Variants in SYNDIG1 observed in about 807,000 individuals in gnomAD.
SYNDIG1 encodes the protein synapse differentiation-inducing gene protein 1.
Under a neutral mutation model 19.4 loss-of-function variants are expected in SYNDIG1, and 9 were observed. The ratio of observed to expected loss-of-function variants is 0.46; its 90% CI spans 0.28 to 0.81. The LOEUF (loss-of-function observed/expected upper bound fraction) is 0.81, where lower values mean the gene tolerates loss of function less well. Ranked by LOEUF, SYNDIG1 falls within the 30% of genes least tolerant of loss-of-function variation. The probability of loss-of-function intolerance (pLI) is 0.12; values close to 1 mark genes in which losing one functional copy is unlikely to be tolerated. For missense variants in SYNDIG1, 311 were observed against 343.3 expected (o/e 0.91, Z 0.74); for synonymous variants, 141 against 145.9 (o/e 0.97, Z 0.24).
chr20:24,561,927 T>A (rs1374508570), intron 2 of SYNDIG1, among the ~76,000 whole-genome samples: 1 of 152,250 alleles, frequency 6.6e-6, no homozygotes, highest in Non-Finnish European at 1.5e-5. Context: ...ATTACTCATT[T>A]CTCTCTGTTG....
Position 24,542,118 on chromosome 20 carries a change from G to A in SYNDIG1, c.-78-902G>A, listed in dbSNP as rs771877927. ...GACAAAATAAAATTCCACTAATTTT[G>A]ATCCCTTTCATTCATACTTAGTCAT... On this transcript the variant is annotated intron_variant, in intron 1 of 3. Transcript: ENST00000376862. Among the ~76,000 whole-genome samples, 4 of 152,084 alleles carry A rather than the reference G, an allele frequency of 2.6e-5. No homozygotes were observed. The East Asian group carries it at 7.7e-4, about 29-fold the overall frequency.
At chr20:24,510,338 G>A (rs2056711546) in intron 1 of SYNDIG1, among the ~76,000 whole-genome samples, 1 of 151,886 alleles carries the variant, frequency 6.6e-6, no homozygotes, top group Admixed American at 6.6e-5. Flanking sequence ...GGAGGCCAAG[G>A]CGGGCAGATC....
chr20:24,665,479 A>T lies in SYNDIG1; in HGVS notation c.752A>T (p.Tyr251Phe). ...GGCGTGGCCGTGGCCCTCATCGCCT[A>T]CCTCTCCAAGAACAACCACCTGTGA... ...YVGVAVALIA[Y>F]LSKNNHL Residue 251 changes from tyrosine to phenylalanine, a missense_variant, in exon 4 of 4, where the codon TAC (tyrosine) becomes TTC (phenylalanine). Tyr to Phe is a conservative substitution (Grantham distance 22). Transcript: ENST00000376862. 6.2e-7 allele frequency: 1 copy of T among 1,613,828 alleles called. No homozygotes were observed. Among genetic ancestry groups the T allele is most frequent in the South Asian group, 1.1e-5 (1 of 91,046 alleles).
chr20:24,620,204 T>G (rs1164902772), intron 3 of SYNDIG1, among the ~76,000 whole-genome samples: 3 of 152,252 alleles, frequency 2.0e-5, no homozygotes, highest in Non-Finnish European at 2.9e-5. Context: ...ATCTATTTAT[T>G]GCTGCTACCC....
intron 3 of SYNDIG1, among the ~76,000 whole-genome samples, chr20:24,599,937 G>A (rs1279465218): frequency 2.6e-5 from 4 of 152,166 alleles, no homozygotes; most frequent in African/African-American, 9.7e-5. Flanking sequence ...GGTGACTATA[G>A]TTAAACAAAA....
Position 24,659,321 on chromosome 20 carries a change from A to G in SYNDIG1, c.619-6025A>G, listed in dbSNP as rs183447813. Among the ~76,000 whole-genome samples the G allele has an allele frequency of 2.0e-5, 3 of 152,322 alleles. 1 individual carries two copies. In the East Asian group the frequency reaches 5.8e-4, roughly 29 times the overall value. On this transcript the variant is annotated intron_variant, in intron 3 of 3. Coordinates refer to ENST00000376862, the MANE Select transcript of SYNDIG1 (RefSeq NM_024893.3). The stretch of plus-strand genomic sequence containing the variant: ...CTGCATGGGGTTCTGCCCATCGTGG[A>G]AATGTTTCTGGAGAGCATGAGTTAC...
chr20:24,569,677 G>A (rs2058109332), intron 2 of SYNDIG1, among the ~76,000 whole-genome samples: 1 of 152,130 alleles, frequency 6.6e-6, no homozygotes, highest in Non-Finnish European at 1.5e-5. Flanking sequence ...ATCAATTTTT[G>A]TAAAGTTTAC....
intron 2 of SYNDIG1, among the ~76,000 whole-genome samples, chr20:24,547,314 C>T (rs1568630640): frequency 6.6e-6 from 1 of 152,228 alleles, no homozygotes; most frequent in Admixed American, 6.5e-5. Context: ...GCCTGTCTGA[C>T]ATATGTTTGC....
intron 3 of SYNDIG1, among the ~76,000 whole-genome samples, chr20:24,629,576 C>T (rs2059209588): frequency 6.6e-6 from 1 of 152,004 alleles, no homozygotes; most frequent in East Asian, 1.9e-4. Context: ...ACGCAGCAGA[C>T]AGCAGCTCTG....
intron 3 of SYNDIG1, among the ~76,000 whole-genome samples, chr20:24,617,651 G>T (rs1212480049): frequency 6.6e-6 from 1 of 151,956 alleles, no homozygotes; most frequent in South Asian, 2.1e-4. Context: ...TGTCCTCTGA[G>T]ATTTACCACA....
At chr20:24,604,026 T>C (rs1196272519) in intron 3 of SYNDIG1, among the ~76,000 whole-genome samples, 1 of 152,234 alleles carries the variant, frequency 6.6e-6, no homozygotes, top group East Asian at 1.9e-4. Context: ...TGTCCATCTT[T>C]CTAATCATTT....
chr20:24,484,052 G>A (rs901907212), intron 1 of SYNDIG1, among the ~76,000 whole-genome samples: 2 of 152,152 alleles, frequency 1.3e-5, no homozygotes, highest in African/African-American at 2.4e-5. Flanking sequence ...TCAGAATTCC[G>A]TCTGCATCAG....
intron 1 of SYNDIG1, chr20:24,502,143 C>G (rs1331822035): frequency 6.6e-6 from 1 of 152,622 alleles, no homozygotes; most frequent in Non-Finnish European, 1.5e-5. Flanking sequence ...ACCACACATA[C>G]CCCTCACCTT....
intron 3 of SYNDIG1, among the ~76,000 whole-genome samples, chr20:24,635,985 C>T (rs763586904): frequency 6.6e-6 from 1 of 152,174 alleles, no homozygotes; most frequent in Non-Finnish European, 1.5e-5. Flanking sequence ...TAGTTATTGT[C>T]TTTAGCATTC....
At chr20:24,498,093 G>A (rs2056345762) in intron 1 of SYNDIG1, among the ~76,000 whole-genome samples, 1 of 152,204 alleles carries the variant, frequency 6.6e-6, no homozygotes, top group African/African-American at 2.4e-5. Flanking sequence ...TCACAGCCCA[G>A]CCTTTAAACA....
At chr20:24,664,127 G>A (rs1210404515) in intron 3 of SYNDIG1, among the ~76,000 whole-genome samples, 1 of 152,014 alleles carries the variant, frequency 6.6e-6, no homozygotes, top group Non-Finnish European at 1.5e-5. Flanking sequence ...CCGAAAGTTA[G>A]AGGAGCGAGA....
intron 3 of SYNDIG1, among the ~76,000 whole-genome samples, chr20:24,653,236 C>T (rs771931338): frequency 1.3e-5 from 2 of 152,180 alleles, no homozygotes; most frequent in Non-Finnish European, 2.9e-5. Flanking sequence ...TGAAAGCGCA[C>T]GGAGGAGTGG....
chr20:24,622,053 CA>C (rs921219216), intron 3 of SYNDIG1, among the ~76,000 whole-genome samples: 1 of 152,162 alleles, frequency 6.6e-6, no homozygotes, highest in Admixed American at 6.5e-5. Flanking sequence ...AAATAATCAT[CA>C]GAACCAAACT....
chr20:24,519,388 GT>G (rs2056955523), intron 1 of SYNDIG1, among the ~76,000 whole-genome samples: 1 of 152,170 alleles, frequency 6.6e-6, no homozygotes, highest in Admixed American at 6.5e-5. Flanking sequence ...CAAATCTGAG[GT>G]TTAGTAAAAA....
Sources: allele counts gnomAD v4.1 joint callset (sites outside exome capture counted in the v4.1 genomes callset), GRCh38; gene constraint gnomAD v4.1.1; transcripts MANE v1.5; gene names NCBI Gene and HGNC (gene_info 2026-07-23, HGNC 2026-07-21).